Variants in KCNH8 observed in about 807,000 individuals in gnomAD.
KCNH8 encodes potassium voltage-gated channel subfamily H member 8.
KCNH8 carries 70 observed loss-of-function variants against 103.6 expected under a neutral mutation model. The ratio of observed to expected loss-of-function variants is 0.68; its 90% confidence interval spans 0.56 to 0.82. The LOEUF is 0.82. Among genes scored for constraint, KCNH8 ranks in the 40% least tolerant of loss-of-function variants. KCNH8 has a pLI of 0.00. For missense variants in KCNH8, 1,217 were observed against 1,329.9 expected (o/e 0.92, Z 1.32); for synonymous variants, 498 against 489.4 (o/e 1.02, Z -0.23).
chr3:19,342,599 G>A lies in KCNH8; in HGVS notation c.455G>A (p.Gly152Glu). ...TATTTTCCCCCAGACAAAGTCAAAG[G>A]AAGATCAAGAGCAGGGACCCACTTT... ...PEDKKEDKVK[G>E]RSRAGTHFDS... The change falls in exon 4 of 16, where the codon GGA becomes GAA. Residue 152 changes from glycine (G) to glutamate (E), a missense_variant. Gly to Glu is a moderately conservative substitution (Grantham distance 98). Transcript: ENST00000328405. 1 of 1,610,158 alleles carries A rather than the reference G, an allele frequency of 6.2e-7. No individual in the cohort carries two copies. The highest frequency in any genetic ancestry group is 8.5e-7 in the Non-Finnish European group (1 of 1,177,398).
At chr3:19,260,749 C>G (rs1384273420) in intron 2 of KCNH8, among the ~76,000 whole-genome samples, 1 of 147,722 alleles carries the variant, frequency 6.8e-6, no homozygotes, top group Non-Finnish European at 1.5e-5. Flanking sequence ...GAACTGCATC[C>G]CCCCAAATTT....
At chr3:19,486,197 C>A (rs2068204261) in intron 11 of KCNH8, among the ~76,000 whole-genome samples, 1 of 152,174 alleles carries the variant, frequency 6.6e-6, no homozygotes, top group Non-Finnish European at 1.5e-5. Context: ...GTCAGGTCTG[C>A]TAGAATAGAC....
chr3:19,512,864 G>C (rs2068805289), intron 12 of KCNH8, 106 bp from the exon 13 acceptor site: 1 of 980,018 alleles, frequency 1.0e-6, no homozygotes. Context: ...TGAAAAGTAA[G>C]TCTCTAAGAG....
rs1206297098 is a variant in KCNH8 at position 19,175,378 on chromosome 3, C to T, written c.76+26583C>T. Among the ~76,000 whole-genome samples the T allele has an allele frequency of 1.2e-4, 18 of 152,156 alleles. No individual in the cohort carries two copies. In the East Asian group the frequency reaches 1.7e-3, roughly 15 times the overall value. The stretch of plus-strand genomic sequence containing the variant: ...CTGGGACTACAGGCGCCCGCCACTA[C>T]GCCCGGCTAACTTTTTGTATTTTTA... On this transcript the variant is annotated intron_variant, in intron 1 of 15. Transcript: ENST00000328405.
chr3:19,213,158 A>G (rs991298319), intron 1 of KCNH8, among the ~76,000 whole-genome samples: 1 of 152,220 alleles, frequency 6.6e-6, no homozygotes, highest in Non-Finnish European at 1.5e-5. Flanking sequence ...GCTTGTGCAC[A>G]TGGAACAGGA....
At chr3:19,368,864 TTTTAC>T in intron 5 of KCNH8, among the ~76,000 whole-genome samples, 1 of 151,992 alleles carries the variant, frequency 6.6e-6, no homozygotes, top group South Asian at 2.1e-4. Flanking sequence ...TAAAAATTTA[TTTTAC>T]TTTATAGCCA....
intron 1 of KCNH8, among the ~76,000 whole-genome samples, chr3:19,164,532 A>G (rs748507612): frequency 7.9e-5 from 12 of 152,320 alleles, no homozygotes; most frequent in Non-Finnish European, 1.3e-4. Flanking sequence ...GTCAAAAGTC[A>G]CACATTTTGT....
chr3:19,371,952 T>G (rs1353253395), intron 5 of KCNH8, among the ~76,000 whole-genome samples: 2 of 151,238 alleles, frequency 1.3e-5, no homozygotes, highest in Non-Finnish European at 3.0e-5. Flanking sequence ...GAGGGCTCTG[T>G]TCTGTTCCAT....
chr3:19,473,917 G>A (rs1037303928), intron 11 of KCNH8, among the ~76,000 whole-genome samples: 3 of 152,124 alleles, frequency 2.0e-5, no homozygotes, highest in African/African-American at 7.2e-5. Context: ...TTTTTAAAAC[G>A]TAATTCTATT....
intron 15 of KCNH8, among the ~76,000 whole-genome samples, chr3:19,526,722 C>T (rs771014366): frequency 5.3e-5 from 8 of 151,848 alleles, no homozygotes; most frequent in East Asian, 1.9e-4. Flanking sequence ...TTCCATGAGA[C>T]GTGGATATTA....
intron 3 of KCNH8, among the ~76,000 whole-genome samples, chr3:19,285,652 C>T (rs909224581): frequency 2.0e-5 from 3 of 151,680 alleles, no homozygotes; most frequent in Admixed American, 1.3e-4. Context: ...AGTATTATTC[C>T]TATTCCCATT....
chr3:19,277,368 G>A (rs2064689292), intron 2 of KCNH8, among the ~76,000 whole-genome samples: 1 of 152,082 alleles, frequency 6.6e-6, no homozygotes, highest in Non-Finnish European at 1.5e-5. Flanking sequence ...TTTGAGACCA[G>A]CGTGGGAAAC....
intron 11 of KCNH8, among the ~76,000 whole-genome samples, chr3:19,503,704 C>T (rs2068635427): frequency 6.7e-6 from 1 of 148,554 alleles, no homozygotes; most frequent in Non-Finnish European, 1.5e-5. Flanking sequence ...CGCATATTCT[C>T]ACTCATAGGT....
intron 3 of KCNH8, among the ~76,000 whole-genome samples, chr3:19,326,847 C>T (rs138727643): frequency 4.8e-4 from 73 of 152,250 alleles, no homozygotes; most frequent in African/African-American, 1.5e-3. Context: ...GGGTTAGCTA[C>T]GTGGTTCTTA....
chr3:19,234,605 T>G (rs1426767437), intron 1 of KCNH8, among the ~76,000 whole-genome samples: 4 of 145,064 alleles, frequency 2.8e-5, no homozygotes, highest in African/African-American at 1.0e-4. Context: ...CAGGCCCGGT[T>G]CCCGCCCGCG....
chr3:19,497,265 GTTAT>G (rs2068463251), intron 11 of KCNH8, among the ~76,000 whole-genome samples: 1 of 151,962 alleles, frequency 6.6e-6, no homozygotes, highest in African/African-American at 2.4e-5. Flanking sequence ...TCTAATTTTG[GTTAT>G]TTCTTATCTC....
intron 11 of KCNH8, among the ~76,000 whole-genome samples, chr3:19,480,197 G>A (rs1395695589): frequency 2.0e-5 from 3 of 152,162 alleles, no homozygotes; most frequent in African/African-American, 7.2e-5. Flanking sequence ...ATAGGTCCAG[G>A]CTGTGGGTTC....
At chr3:19,517,670 T>C (rs2068897933) in intron 14 of KCNH8, among the ~76,000 whole-genome samples, 1 of 151,954 alleles carries the variant, frequency 6.6e-6, no homozygotes, top group African/African-American at 2.4e-5. Context: ...CTGACTATGA[T>C]ACAGTTTTAA....
chr3:19,298,472 CAGTTG>C (rs2065022591), intron 3 of KCNH8, among the ~76,000 whole-genome samples: 1 of 152,162 alleles, frequency 6.6e-6, no homozygotes, highest in Non-Finnish European at 1.5e-5. Flanking sequence ...CTGTGGGTTA[CAGTTG>C]AGTTATCAAA....
Sources: allele counts gnomAD v4.1 joint callset (sites outside exome capture counted in the v4.1 genomes callset), GRCh38; gene constraint gnomAD v4.1.1; transcripts MANE v1.5; gene names NCBI Gene and HGNC (gene_info 2026-07-23, HGNC 2026-07-21).